The following CEPT1 variants were observed in gnomAD, a reference collection of about 807,000 sequenced individuals.
The protein encoded by CEPT1 is choline/ethanolamine phosphotransferase 1, also known as choline/ethanolaminephosphotransferase 1.
A neutral mutation model predicts 42.6 loss-of-function variants in CEPT1; 7 were observed. The observed-to-expected ratio is 0.16, with a 90% CI of 0.09 to 0.31. The LOEUF (loss-of-function observed/expected upper bound fraction) is 0.31. CEPT1 is among the 10% of genes least tolerant of loss of function. The pLI is 1.00. For synonymous variants in CEPT1, 171 were observed against 171.9 expected, an observed-to-expected ratio of 0.99 and a Z score of 0.04; for missense variants, 306 against 502.1, an observed-to-expected ratio of 0.61 and a Z score of 3.73.
At chr1:111,154,998 C>T (rs555380250) in intron 2 of CEPT1, among the ~76,000 whole-genome samples, 4 of 151,970 alleles carry the variant, frequency 2.6e-5, no homozygotes, top group African/African-American at 9.7e-5. Context: ...ATGCTGGTTT[C>T]GTAGAATGAA....
intron 5 of CEPT1, chr1:111,178,990 T>G (rs1414079057): frequency 2.6e-5 from 4 of 152,378 alleles, no homozygotes; most frequent in African/African-American, 9.6e-5. Flanking sequence ...TACATTAAAA[T>G]GATTTACAAA....
At position 111,165,143 on chromosome 1, in the gene CEPT1, G is replaced by A. The variant is rs565200191; in HGVS notation, c.629+3847G>A. Among the ~76,000 whole-genome samples, 10 of 141,782 alleles carry A rather than the reference G, an allele frequency of 7.1e-5. No homozygotes were observed. In the South Asian group the frequency reaches 2.0e-3, roughly 28 times the overall value. The allele number at this position is 141,782 out of a possible 152,430, so 93.0% of individuals were successfully genotyped here. On this transcript the variant is annotated intron_variant, in intron 4 of 8. Coordinates refer to ENST00000357172, the MANE Select transcript of CEPT1 (RefSeq NM_006090.5). Reference sequence around the variant, plus strand: ...CGACTCACTGCAACCTCCGCCTCCTGGGTTCATGCCATTCTCCTGCCTCAG... The same window carrying A: ...CGACTCACTGCAACCTCCGCCTCCTAGGTTCATGCCATTCTCCTGCCTCAG...
chr1:111,145,235 C>G (rs1263085712), intron 1 of CEPT1, among the ~76,000 whole-genome samples: 1 of 152,104 alleles, frequency 6.6e-6, no homozygotes, highest in Admixed American at 6.5e-5. Context: ...AGGCTGGTCT[C>G]GAACTCCTGA....
chr1:111,142,996 T>C (rs536864863), intron 1 of CEPT1, among the ~76,000 whole-genome samples: 1 of 152,354 alleles, frequency 6.6e-6, no homozygotes, highest in Non-Finnish European at 1.5e-5. Context: ...GGGAATTTTA[T>C]ACAGTTTAAA....
Position 111,141,578 on chromosome 1 carries a change from C to T in CEPT1, c.-74+1271C>T, listed in dbSNP as rs151045864. On this transcript the variant is annotated intron_variant, in intron 1 of 8. Coordinates refer to ENST00000357172, the MANE Select transcript of CEPT1 (RefSeq NM_006090.5). ...GAAAAATAACCTATAAAATACCAAGCTTTTGCTGATTTTTATGTTGTGTGT... is the reference window on the plus strand; with the variant it reads ...GAAAAATAACCTATAAAATACCAAGTTTTTGCTGATTTTTATGTTGTGTGT... Among the ~76,000 whole-genome samples, 729 of 152,082 alleles carry T rather than the reference C, an allele frequency of 4.8e-3. 6 individuals are homozygous for T. The highest frequency in any genetic ancestry group is 0.016 in the African/African-American group (680 of 41,480).
In CEPT1 at chr1:111,178,321, TG is replaced by T. The variant is rs538918758; in HGVS notation, c.714+3359del. 8.7e-4 allele frequency: 133 copies of T among 152,350 alleles called. 1 individual carries two copies. Among genetic ancestry groups the T allele is most frequent in the Middle Eastern group, 3.4e-3 (1 of 294 alleles). The allele number at this position is 152,350 out of a possible 1,614,324, so 9.4% of individuals were successfully genotyped here. A position where few individuals can be genotyped will look rare whatever the true frequency, so the allele number is the denominator to read the frequency against. The stretch of plus-strand genomic sequence containing the variant: ...AACAGTGCAGATGTCTTCATAAGGC[TG>T]ATTCCAGAAGATCAGCTGTTTTGTA... On this transcript the variant is annotated intron_variant, in intron 5 of 8. Transcript: ENST00000357172.
intron 2 of CEPT1, among the ~76,000 whole-genome samples, chr1:111,158,899 A>ATTTT (rs1245725389): frequency 2.0e-4 from 15 of 76,456 alleles, no homozygotes; most frequent in South Asian, 3.7e-4. Flanking sequence ...TTCTTTTACA[A>ATTTT]TTCTTTTTTT....
At chr1:111,141,877 C>A (rs544597987) in intron 1 of CEPT1, among the ~76,000 whole-genome samples, 28 of 151,918 alleles carry the variant, frequency 1.8e-4, no homozygotes, top group Non-Finnish European at 3.5e-4. Context: ...CTAGTGTAGC[C>A]ATGAGTATTT....
At chr1:111,180,802 T>A (rs535814184) in intron 5 of CEPT1, 1 of 152,314 alleles carries the variant, frequency 6.6e-6, no homozygotes, top group East Asian at 1.9e-4. Flanking sequence ...AAGTGCCACA[T>A]TTGCTATTTG....
rs1656605008 is a variant in CEPT1, at chr1:111,174,968, C to T, written c.714+5C>T. The T allele has an allele frequency of 6.4e-7, 1 of 1,570,690 alleles. No homozygotes were observed. Among genetic ancestry groups the T allele is most frequent in the Admixed American group, 1.7e-5 (1 of 59,924 alleles). Reference sequence around the variant, plus strand: ...CCACCTTTTTGGCAATCTATGGTAACTTTGTTCACATTGTGTATCCCATGT... The same window carrying T: ...CCACCTTTTTGGCAATCTATGGTAATTTTGTTCACATTGTGTATCCCATGT... On this transcript the variant is annotated splice_donor_5th_base_variant and intron_variant, in intron 5 of 8. Coordinates refer to ENST00000357172, the MANE Select transcript of CEPT1 (RefSeq NM_006090.5).
At chr1:111,166,484 G>A (rs1656150825) in intron 4 of CEPT1, among the ~76,000 whole-genome samples, 1 of 152,088 alleles carries the variant, frequency 6.6e-6, no homozygotes, top group African/African-American at 2.4e-5. Context: ...GAAAACTTCT[G>A]GACTAAAGAT....
chr1:111,180,078 C>T (rs1381484521), intron 5 of CEPT1: 1 of 152,150 alleles, frequency 6.6e-6, no homozygotes, highest in Non-Finnish European at 1.5e-5. Context: ...TTTTTATGAT[C>T]CCAAAGCAAT....
At position 111,184,557 on chromosome 1, in the gene CEPT1, T is replaced by G. The variant is rs562508587; in HGVS notation, c.*247T>G. 28 of 320,314 alleles carry G rather than the reference T, an allele frequency of 8.7e-5. No homozygotes were observed. The highest frequency in any genetic ancestry group is 9.0e-4 in the Middle Eastern group (1 of 1,116). The allele number at this position is 320,314 out of a possible 1,614,324, so 19.8% of individuals were successfully genotyped here. A position where few individuals can be genotyped will look rare whatever the true frequency, so the allele number is the denominator to read the frequency against. ...AGAAAGCATGCAGAAAAAAATGCCA[T>G]GTGATTGTAATTATCCTGGATTCAG... On this transcript the variant is annotated 3_prime_UTR_variant, in exon 9 of 9. Coordinates refer to ENST00000357172, the MANE Select transcript of CEPT1 (RefSeq NM_006090.5).
rs17027026 is a variant in CEPT1, at chr1:111,181,292, C to G, written c.715-895C>G. On this transcript the variant is annotated intron_variant, in intron 5 of 8. Transcript: ENST00000357172. ...GACTACGTCATTTATTTTACTGTTG[C>G]TTTCTTTTCAATCCATATTGGACAA... 6.6e-4 allele frequency: 100 copies of G among 152,096 alleles called. 1 individual carries two copies. In the East Asian group the frequency reaches 0.017, roughly 25 times the overall value. The allele number at this position is 152,096 out of a possible 1,614,324, so 9.4% of individuals were successfully genotyped here.
At chr1:111,176,760 T>A (rs891083506) in intron 5 of CEPT1, among the ~76,000 whole-genome samples, 2 of 152,200 alleles carry the variant, frequency 1.3e-5, no homozygotes, top group Middle Eastern at 3.2e-3. Context: ...ACAATATTTT[T>A]AATAATTTTG....
chr1:111,159,740 A>G (rs1294029451), intron 3 of CEPT1: 2 of 390,918 alleles, frequency 5.1e-6, no homozygotes, highest in East Asian at 1.1e-4. Flanking sequence ...TTTAGCCCCA[A>G]ATATTGTTTT....
At chr1:111,177,814 C>G (rs1656759429) in intron 5 of CEPT1, among the ~76,000 whole-genome samples, 1 of 150,642 alleles carries the variant, frequency 6.6e-6, no homozygotes, top group Non-Finnish European at 1.5e-5. Flanking sequence ...TTTCAGGATT[C>G]ATGAGGTGAG....
rs553816980 is a variant in CEPT1, at chr1:111,161,825, T to C, written c.629+529T>C. On this transcript the variant is annotated intron_variant, in intron 4 of 8. Coordinates refer to ENST00000357172, the MANE Select transcript of CEPT1 (RefSeq NM_006090.5). ...AAGCTTATTTATCTGTCAGCCCTAA[T>C]GTATTCTCTTTCCCTTTCAAATAAT... Among the ~76,000 whole-genome samples, 39 of 152,362 alleles carry C rather than the reference T, an allele frequency of 2.6e-4. 1 individual carries two copies. The highest frequency in any genetic ancestry group is 8.7e-4 in the African/African-American group (36 of 41,594).
chr1:111,184,392 C>G lies in CEPT1; in HGVS notation c.*82C>G, dbSNP rs1288691176. ...TAAGGAGAATGGGGGTGGATAAGAA[C>G]AAATATAATTTATAATAATCAATGT... is the stretch of plus-strand genomic sequence containing the variant. On this transcript the variant is annotated 3_prime_UTR_variant, in exon 9 of 9. Transcript: ENST00000357172. The G allele has an allele frequency of 1.9e-6, 2 of 1,062,340 alleles. No individual in the cohort carries two copies. Among genetic ancestry groups the G allele is most frequent in the Admixed American group, 4.8e-5 (2 of 41,836 alleles). The allele number at this position is 1,062,340 out of a possible 1,614,324, so 65.8% of individuals were successfully genotyped here. A position where few individuals can be genotyped will look rare whatever the true frequency, so the allele number is the denominator to read the frequency against.
Sources: gnomAD v4.1 joint callset for allele counts (sites outside exome capture counted in the v4.1 genomes callset) on GRCh38, gnomAD v4.1.1 for gene constraint, MANE v1.5 for transcripts, NCBI Gene and HGNC (gene_info 2026-07-23, HGNC 2026-07-21) for gene names.